SMG6: variants seen among roughly 807,000 people sequenced by gnomAD.
The protein encoded by SMG6 is telomerase-binding protein EST1A.
A neutral mutation model predicts 142.2 loss-of-function variants in SMG6; 66 were observed. The observed-to-expected ratio is 0.46, with a 90% CI of 0.38 to 0.57. The LOEUF is 0.57. Ranked by LOEUF, SMG6 falls within the 20% of genes least tolerant of loss-of-function variation. SMG6 has a pLI of 0.00. For missense variants in SMG6, 1,793 were observed against 1,832.0 expected (o/e 0.98, Z 0.39); for synonymous variants, 779 against 702.4 (o/e 1.11, Z -1.72).
intron 13 of SMG6, among the ~76,000 whole-genome samples, chr17:2,091,673 C>CTTT (rs11331439): frequency 7.1e-6 from 1 of 140,364 alleles, no homozygotes; most frequent in African/African-American, 2.8e-5. Context: ...AGTCTTTTTG[C>CTTT]TTTTTTTTTT....
chr17:2,183,874 TAG>T (rs2071885009), intron 12 of SMG6, among the ~76,000 whole-genome samples: 2 of 148,692 alleles, frequency 1.3e-5, no homozygotes, highest in Admixed American at 1.3e-4. Context: ...GACAGACAGG[TAG>T]GTAAAAGGCA....
At chr17:2,066,060 G>A (rs750839561) in intron 16 of SMG6, 5 of 244,612 alleles carry the variant, frequency 2.0e-5, no homozygotes, top group Middle Eastern at 1.7e-3. Context: ...AAAGGGAGGC[G>A]TCCTTCCTTA....
rs376600581 is a variant in SMG6, at chr17:2,298,891, T to C, written c.1847+15A>G. On this transcript the variant is annotated intron_variant, in intron 2 of 18. Transcript: ENST00000263073. ...GATCCCCATTTCCCTCCAGCCAGAA[T>C]AGACCACATCATACCTGAGTTGCGC... is the stretch of plus-strand genomic sequence containing the variant. The C allele has an allele frequency of 1.6e-5, 25 of 1,604,788 alleles. No individual in the cohort carries two copies. The highest frequency in any genetic ancestry group is 2.0e-5 in the Non-Finnish European group (23 of 1,174,810).
At chr17:2,275,994 A>T (rs987994807) in intron 8 of SMG6, among the ~76,000 whole-genome samples, 1 of 152,226 alleles carries the variant, frequency 6.6e-6, no homozygotes, top group Non-Finnish European at 1.5e-5. Flanking sequence ...GTTACTAACA[A>T]CCACCTGAAG....
At chr17:2,293,463 T>C (rs1212266420) in intron 4 of SMG6, among the ~76,000 whole-genome samples, 1 of 97,244 alleles carries the variant, frequency 1.0e-5, no homozygotes, top group Non-Finnish European at 2.6e-5. Flanking sequence ...TACTCTATTC[T>C]TTTTTTTCCC....
At chr17:2,222,350 T>C (rs1025769285) in intron 10 of SMG6, among the ~76,000 whole-genome samples, 2 of 151,610 alleles carry the variant, frequency 1.3e-5, no homozygotes, top group African/African-American at 2.4e-5. Flanking sequence ...CAAAGACTTA[T>C]AGGAGGCGAG....
chr17:2,216,110 G>A (rs1453332653), intron 10 of SMG6: 1 of 152,218 alleles, frequency 6.6e-6, no homozygotes, highest in Admixed American at 6.5e-5. Flanking sequence ...CGCACACATA[G>A]AGGTATTTCT....
At chr17:2,067,356 G>T (rs571297094) in intron 16 of SMG6, among the ~76,000 whole-genome samples, 1 of 152,166 alleles carries the variant, frequency 6.6e-6, no homozygotes, top group Admixed American at 6.6e-5. Flanking sequence ...GGCAGCCTGG[G>T]ACGGCGTCTG....
At chr17:2,201,677 CAA>C (rs58219330) in intron 10 of SMG6, among the ~76,000 whole-genome samples, 36 of 127,610 alleles carry the variant, frequency 2.8e-4, no homozygotes, top group Non-Finnish European at 3.0e-4. Context: ...AGACTTGATT[CAA>C]AAAAAAAAAA....
At chr17:2,230,789 A>G (rs1054570685) in intron 10 of SMG6, among the ~76,000 whole-genome samples, 1 of 152,196 alleles carries the variant, frequency 6.6e-6, no homozygotes, top group Non-Finnish European at 1.5e-5. Flanking sequence ...CCTGCCTTCC[A>G]AAGCCTAACC....
chr17:2,232,864 C>T (rs978314533), intron 10 of SMG6: 1 of 152,154 alleles, frequency 6.6e-6, no homozygotes, highest in Non-Finnish European at 1.5e-5. Context: ...AGAGTGGGCT[C>T]CTAGGAAAAC....
intron 13 of SMG6, among the ~76,000 whole-genome samples, chr17:2,126,551 C>A (rs1392114903): frequency 6.6e-6 from 1 of 151,200 alleles, no homozygotes; most frequent in Non-Finnish European, 1.5e-5. Flanking sequence ...ATGGTGAAAC[C>A]CCATCTCTAC....
At chr17:2,172,505 G>A (rs546682383) in intron 13 of SMG6, among the ~76,000 whole-genome samples, 153 bp downstream of exon 13, 1 of 152,110 alleles carries the variant, frequency 6.6e-6, no homozygotes, top group Admixed American at 6.5e-5. Context: ...CACAGAGCTG[G>A]ATGTCAGCGG....
intron 8 of SMG6, among the ~76,000 whole-genome samples, chr17:2,256,844 C>T (rs773050040): frequency 1.2e-4 from 19 of 152,020 alleles, no homozygotes; most frequent in Non-Finnish European, 1.5e-4. Context: ...CAAGAAAACT[C>T]GTGAGAAAAA....
At chr17:2,229,173 G>A (rs1469984984) in intron 10 of SMG6, 1 of 152,174 alleles carries the variant, frequency 6.6e-6, no homozygotes, top group South Asian at 2.1e-4. Flanking sequence ...CCATGTGAGA[G>A]GGAGGTTTCC....
In SMG6 at chr17:2,133,540, C is replaced by A. The variant is rs533805472; in HGVS notation, c.3357+39118G>T. Among the ~76,000 whole-genome samples the A allele has an allele frequency of 2.6e-5, 4 of 152,212 alleles. No homozygotes were observed. The East Asian group carries it at 7.7e-4, about 29-fold the overall frequency. ...TGATTTTTAGCTAAGAGTATGAGTG[C>A]ATGTGTGTGTTTTAGACACAGGGTC... On this transcript the variant is annotated intron_variant, in intron 13 of 18. Coordinates refer to ENST00000263073, the MANE Select transcript of SMG6 (RefSeq NM_017575.5).
chr17:2,250,118 T>C (rs1359840017), intron 8 of SMG6, among the ~76,000 whole-genome samples: 3 of 152,176 alleles, frequency 2.0e-5, no homozygotes, highest in African/African-American at 7.2e-5. Flanking sequence ...GTCTAAGGGC[T>C]TGGTGACTGT....
At chr17:2,093,348 G>A (rs1421215506) in intron 13 of SMG6, among the ~76,000 whole-genome samples, 1 of 152,020 alleles carries the variant, frequency 6.6e-6, no homozygotes, top group Non-Finnish European at 1.5e-5. Flanking sequence ...GCTTGAGCCG[G>A]GGAAGTCAGA....
rs34276256 is a variant in SMG6, at chr17:2,207,117, C to CAAAAAA, written c.2870-18608_2870-18603dup. On this transcript the variant is annotated intron_variant, in intron 10 of 18. Coordinates refer to ENST00000263073, the MANE Select transcript of SMG6 (RefSeq NM_017575.5). Reference sequence around the variant, plus strand: ...TGAAATCTTGTCTCTACTAAAAATCCAAAAAAAAAAAAAAAAAAAAAAATA... The same window carrying CAAAAAA: ...TGAAATCTTGTCTCTACTAAAAATCCAAAAAAAAAAAAAAAAAAAAAAAAAAAAATA... Among the ~76,000 whole-genome samples the CAAAAAA allele has an allele frequency of 6.5e-4, 52 of 79,736 alleles. 2 individuals are homozygous for CAAAAAA. The highest frequency in any genetic ancestry group is 1.2e-3 in the South Asian group (2 of 1,732). 52.3% of individuals were successfully genotyped at this position (79,736 alleles called of 152,430 possible).
Sources: gnomAD v4.1 joint callset for allele counts (sites outside exome capture counted in the v4.1 genomes callset) on GRCh38, gnomAD v4.1.1 for gene constraint, MANE v1.5 for transcripts, NCBI Gene and HGNC (gene_info 2026-07-23, HGNC 2026-07-21) for gene names.